Variants in PTPRD observed in about 807,000 individuals in gnomAD.
The protein encoded by PTPRD is protein tyrosine phosphatase receptor type D.
Under a neutral mutation model 214.5 loss-of-function variants are expected in PTPRD, and 34 were observed. The observed-to-expected ratio is 0.16, with a 90% CI of 0.12 to 0.21. PTPRD has a LOEUF of 0.21. PTPRD is among the 10% of genes least tolerant of loss of function. PTPRD has a pLI of 1.00. For synonymous variants in PTPRD, 1,128 were observed against 845.7 expected, an observed-to-expected ratio of 1.33 and a Z score of -5.79; for missense variants, 2,545 against 2,398.7, an observed-to-expected ratio of 1.06 and a Z score of -1.27.
intron 12 of PTPRD, among the ~76,000 whole-genome samples, chr9:8,647,079 C>G (rs924300850): frequency 6.6e-6 from 1 of 152,168 alleles, no homozygotes; most frequent in African/African-American, 2.4e-5. Flanking sequence ...ATGCGAAGCC[C>G]TAAGCTGGCA....
At chr9:8,995,692 T>C (rs901637074) in intron 11 of PTPRD, among the ~76,000 whole-genome samples, 1 of 152,152 alleles carries the variant, frequency 6.6e-6, no homozygotes, top group African/African-American at 2.4e-5. Context: ...TCTGCTTTCC[T>C]ACCAGAGAAT....
intron 4 of PTPRD, among the ~76,000 whole-genome samples, chr9:10,017,705 G>A (rs1053250468): frequency 6.6e-6 from 1 of 151,902 alleles, no homozygotes; most frequent in Non-Finnish European, 1.5e-5. Context: ...ATCTCTTTCT[G>A]GAATCTGTAT....
chr9:9,887,784 T>C (rs900426966), intron 5 of PTPRD, among the ~76,000 whole-genome samples: 1 of 151,940 alleles, frequency 6.6e-6, no homozygotes, highest in South Asian at 2.1e-4. Context: ...TAGGAAAATG[T>C]GGAGGGGGCA....
intron 3 of PTPRD, among the ~76,000 whole-genome samples, chr9:10,097,698 A>T (rs1168686317): frequency 2.6e-5 from 4 of 151,752 alleles, no homozygotes; most frequent in Admixed American, 6.6e-5. Context: ...GGACAATTTG[A>T]CTTCCTCTTT....
intron 5 of PTPRD, among the ~76,000 whole-genome samples, chr9:9,831,806 G>T (rs1320944864): frequency 2.0e-5 from 3 of 152,002 alleles, no homozygotes; most frequent in African/African-American, 4.8e-5. Context: ...GTGGAGGGAT[G>T]TATTTTTAGA....
chr9:9,404,007 G>C (rs1367402904), intron 8 of PTPRD, among the ~76,000 whole-genome samples: 2 of 152,042 alleles, frequency 1.3e-5, no homozygotes, highest in African/African-American at 2.4e-5. Context: ...GAATGTTTAT[G>C]TAAAGGAACA....
intron 35 of PTPRD, among the ~76,000 whole-genome samples, chr9:8,433,081 G>A (rs2095162030): frequency 6.6e-6 from 1 of 152,182 alleles, no homozygotes; most frequent in African/African-American, 2.4e-5. Flanking sequence ...TTGAGTGATG[G>A]TTTTATAGCC....
chr9:10,119,082 G>A (rs1039611853), intron 3 of PTPRD, among the ~76,000 whole-genome samples: 3 of 151,956 alleles, frequency 2.0e-5, no homozygotes, highest in Non-Finnish European at 4.4e-5. Context: ...TTCCACTTAA[G>A]AAACACCTCC....
chr9:9,103,407 T>A (rs2099794013), intron 10 of PTPRD, among the ~76,000 whole-genome samples: 2 of 152,122 alleles, frequency 1.3e-5, no homozygotes, highest in South Asian at 4.1e-4. Context: ...TGAGTTAGCA[T>A]GAAAAAATTT....
At chr9:9,889,081 G>T (rs1273722836) in intron 5 of PTPRD, among the ~76,000 whole-genome samples, 2 of 152,110 alleles carry the variant, frequency 1.3e-5, no homozygotes, top group Non-Finnish European at 2.9e-5. Context: ...TCTTATATAA[G>T]TAGAGAGTAG....
chr9:9,624,065 C>T (rs2095336524), intron 7 of PTPRD, among the ~76,000 whole-genome samples: 2 of 152,118 alleles, frequency 1.3e-5, no homozygotes, highest in African/African-American at 2.4e-5. Flanking sequence ...ACAGATCAAC[C>T]AATGACATGA....
intron 3 of PTPRD, among the ~76,000 whole-genome samples, chr9:10,181,113 A>G (rs2099279957): frequency 6.6e-6 from 1 of 152,092 alleles, no homozygotes; most frequent in African/African-American, 2.4e-5. Context: ...TAAGAGATAA[A>G]ATAACAAATA....
chr9:10,070,722 G>T (rs1309462430), intron 3 of PTPRD, among the ~76,000 whole-genome samples: 3 of 151,658 alleles, frequency 2.0e-5, no homozygotes, highest in Non-Finnish European at 1.5e-5. Flanking sequence ...TTACATCAAT[G>T]TTTCTTGTTA....
At chr9:10,175,903 T>A (rs2099245488) in intron 3 of PTPRD, among the ~76,000 whole-genome samples, 1 of 151,912 alleles carries the variant, frequency 6.6e-6, no homozygotes, top group Non-Finnish European at 1.5e-5. Flanking sequence ...CAATAAGACA[T>A]AAAGGAAGGT....
rs1046234039 is a variant in PTPRD, at chr9:8,317,540, T to C, written c.*334A>G. On this transcript the variant is annotated 3_prime_UTR_variant, in exon 46 of 46. Transcript: ENST00000381196. ...CTGCAGCATTCTGGCAATTTCTCCTTGCACCTTTCAAGCAATCCTGAATAA... is the reference window on the plus strand; with the variant it reads ...CTGCAGCATTCTGGCAATTTCTCCTCGCACCTTTCAAGCAATCCTGAATAA... 1 of 288,862 alleles carries C rather than the reference T, an allele frequency of 3.5e-6. No homozygotes were observed. The highest frequency in any genetic ancestry group is 6.7e-6 in the Non-Finnish European group (1 of 148,706). 17.9% of individuals were successfully genotyped at this position (288,862 alleles called of 1,614,324 possible). A position where few individuals can be genotyped will look rare whatever the true frequency, so the allele number is the denominator to read the frequency against.
At chr9:10,039,449 G>C (rs1342152968) in intron 3 of PTPRD, among the ~76,000 whole-genome samples, 14 of 152,004 alleles carry the variant, frequency 9.2e-5, no homozygotes, top group Admixed American at 9.2e-4. Context: ...TATTATCTGT[G>C]TATGTTTACA....
rs1056588403 is a variant in PTPRD, at chr9:8,711,299, T to C, written c.64+22481A>G. 2.6e-5 allele frequency among the ~76,000 whole-genome samples: 4 copies of C among 152,084 alleles called. 1 individual carries two copies. Among genetic ancestry groups the C allele is most frequent in the Non-Finnish European group, 5.9e-5 (4 of 68,016 alleles). On this transcript the variant is annotated intron_variant, in intron 12 of 45. Coordinates refer to ENST00000381196, the MANE Select transcript of PTPRD (RefSeq NM_002839.4). ...ACTGTATAGCTAACAAGTACGCCTT[T>C]TAATCAAATATATAATTATTAAAAT...
intron 8 of PTPRD, among the ~76,000 whole-genome samples, chr9:9,398,600 A>G (rs1195140524): frequency 2.0e-5 from 3 of 152,100 alleles, no homozygotes; most frequent in African/African-American, 7.2e-5. Flanking sequence ...TCTTAGTTTA[A>G]CAAAAAAATA....
At chr9:8,585,913 C>T (rs1178080410) in intron 14 of PTPRD, among the ~76,000 whole-genome samples, 1 of 152,168 alleles carries the variant, frequency 6.6e-6, no homozygotes, top group African/African-American at 2.4e-5. Flanking sequence ...CCTCTCTCTG[C>T]CATGATTGTG....
Sources: allele counts gnomAD v4.1 joint callset (sites outside exome capture counted in the v4.1 genomes callset), GRCh38; gene constraint gnomAD v4.1.1; transcripts MANE v1.5; gene names NCBI Gene and HGNC (gene_info 2026-07-23, HGNC 2026-07-21).